XKR6: variants seen among roughly 807,000 people sequenced by gnomAD.
XKR6 encodes the protein XK related 6.
XKR6 carries 22 observed loss-of-function variants against 56.7 expected under a neutral mutation model. The ratio of observed to expected loss-of-function variants is 0.39; its 90% CI spans 0.28 to 0.55. XKR6 has a LOEUF of 0.55. XKR6 is among the 20% of genes least tolerant of loss of function. The pLI is 0.66. For missense variants in XKR6, 852 were observed against 889.0 expected, an observed-to-expected ratio of 0.96 and a Z score of 0.53; for synonymous variants, 524 against 387.8, an observed-to-expected ratio of 1.35 and a Z score of -4.13.
intron 1 of XKR6, among the ~76,000 whole-genome samples, chr8:10,958,969 A>G (rs1430050218): frequency 6.6e-6 from 1 of 152,238 alleles, no homozygotes; most frequent in Non-Finnish European, 1.5e-5. Flanking sequence ...TTCAACAGGA[A>G]GGCATCAAGC....
At chr8:10,924,504 C>T (rs969102993) in intron 2 of XKR6, 130 bp downstream of exon 2, 37 of 1,093,364 alleles carry the variant, frequency 3.4e-5, no homozygotes, top group South Asian at 3.0e-4. Context: ...GGGGGCCGGG[C>T]GTCCTGGGGA....
intron 1 of XKR6, among the ~76,000 whole-genome samples, chr8:10,934,515 G>A (rs1379741311): frequency 7.7e-6 from 1 of 129,452 alleles, no homozygotes; most frequent in East Asian, 1.9e-4. Context: ...TGCCCATTCA[G>A]TATGATATTG....
At chr8:11,060,451 C>A (rs1454068837) in intron 1 of XKR6, among the ~76,000 whole-genome samples, 1 of 152,202 alleles carries the variant, frequency 6.6e-6, no homozygotes, top group African/African-American at 2.4e-5. Flanking sequence ...CGCCACCCGC[C>A]GGGAACTAGG....
chr8:11,194,018 C>T (rs1390599630), intron 1 of XKR6, among the ~76,000 whole-genome samples: 1 of 152,158 alleles, frequency 6.6e-6, no homozygotes, highest in Non-Finnish European at 1.5e-5. Context: ...TGTCCCTATA[C>T]ATAGGTGACA....
At chr8:11,120,510 C>T (rs1799396871) in intron 1 of XKR6, among the ~76,000 whole-genome samples, 1 of 152,128 alleles carries the variant, frequency 6.6e-6, no homozygotes, top group African/African-American at 2.4e-5. Flanking sequence ...AGGAGAACTA[C>T]AAACCACTGC....
chr8:10,974,491 C>T (rs1048254126), intron 1 of XKR6, among the ~76,000 whole-genome samples: 10 of 152,178 alleles, frequency 6.6e-5, no homozygotes, highest in Non-Finnish European at 5.9e-5. Context: ...GCCTGGGCCA[C>T]GGACCCTGCC....
intron 1 of XKR6, among the ~76,000 whole-genome samples, chr8:10,951,937 C>A (rs1001078793): frequency 1.3e-5 from 2 of 152,148 alleles, no homozygotes; most frequent in African/African-American, 4.8e-5. Flanking sequence ...ACAGGAGAAC[C>A]AAGAGGCCAC....
At chr8:11,057,859 G>C (rs1799725334) in intron 1 of XKR6, among the ~76,000 whole-genome samples, 1 of 152,146 alleles carries the variant, frequency 6.6e-6, no homozygotes, top group Admixed American at 6.5e-5. Context: ...AGGACACAAT[G>C]CACAGACATG....
intron 1 of XKR6, among the ~76,000 whole-genome samples, chr8:11,023,253 C>G (rs56665484): frequency 0.044 from 6,762 of 152,248 alleles, 456 homozygotes; most frequent in African/African-American, 0.15. Flanking sequence ...AGAGCAGGCA[C>G]TAGAACCCTC....
chr8:10,959,012 G>C (rs1801979573), intron 1 of XKR6, among the ~76,000 whole-genome samples: 1 of 152,194 alleles, frequency 6.6e-6, no homozygotes, highest in Non-Finnish European at 1.5e-5. Context: ...CCACAGACCG[G>C]GGGAAACCCT....
intron 1 of XKR6, among the ~76,000 whole-genome samples, chr8:11,112,645 T>C (rs1432678086): frequency 1.3e-5 from 2 of 152,142 alleles, no homozygotes; most frequent in African/African-American, 2.4e-5. Context: ...TCAGGAGATA[T>C]GGTCAAACAA....
intron 1 of XKR6, among the ~76,000 whole-genome samples, chr8:11,097,693 G>A (rs1184610857): frequency 6.6e-6 from 1 of 150,904 alleles, no homozygotes; most frequent in South Asian, 2.1e-4. Context: ...TGTGGTCCCA[G>A]CTACTTGGGA....
chr8:11,118,767 AT>A (rs1203617234), intron 1 of XKR6, among the ~76,000 whole-genome samples: 1 of 152,102 alleles, frequency 6.6e-6, no homozygotes. Flanking sequence ...CAGCTCCTGG[AT>A]TCACTGATTT....
intron 1 of XKR6, among the ~76,000 whole-genome samples, chr8:10,968,863 C>G (rs1312425428): frequency 1.3e-5 from 2 of 152,258 alleles, no homozygotes; most frequent in African/African-American, 4.8e-5. Context: ...CACCTGCCCG[C>G]TCTGAACAGC....
intron 1 of XKR6, among the ~76,000 whole-genome samples, chr8:11,018,158 T>G (rs1753072055): frequency 7.0e-6 from 1 of 142,512 alleles, no homozygotes; most frequent in African/African-American, 2.6e-5. Flanking sequence ...CTGACCTGAA[T>G]CCCCCCCACC....
rs527546273 is a variant in XKR6 at position 10,896,308 on chromosome 8, A to C, written c.*1644T>G. The stretch of plus-strand genomic sequence containing the variant: ...AACTTGATACAATGAGAAAATAAAC[A>C]GTGGAATCAAATCCTCACCCAAATG... On this transcript the variant is annotated 3_prime_UTR_variant, in exon 3 of 3. Coordinates refer to ENST00000416569, the MANE Select transcript of XKR6 (RefSeq NM_173683.4). 1.5e-4 allele frequency: 23 copies of C among 152,732 alleles called. No individual in the cohort carries two copies. The highest frequency in any genetic ancestry group is 5.5e-4 in the African/African-American group (23 of 41,554). The allele number at this position is 152,732 out of a possible 1,614,324, so 9.5% of individuals were successfully genotyped here.
intron 1 of XKR6, among the ~76,000 whole-genome samples, chr8:11,025,061 A>T (rs538875262): frequency 6.6e-6 from 1 of 152,282 alleles, no homozygotes; most frequent in South Asian, 2.1e-4. Flanking sequence ...GGAACAAGGG[A>T]TCCCCCCATC....
intron 1 of XKR6, among the ~76,000 whole-genome samples, chr8:11,167,067 C>A (rs1038564785): frequency 1.3e-5 from 2 of 152,078 alleles, no homozygotes; most frequent in Non-Finnish European, 2.9e-5. Flanking sequence ...AAATGGACTA[C>A]TGCAAGAGAA....
chr8:11,165,038 C>A (rs1007805500), intron 1 of XKR6, among the ~76,000 whole-genome samples: 4 of 151,242 alleles, frequency 2.6e-5, no homozygotes, highest in African/African-American at 9.7e-5. Context: ...AAGAAAATCC[C>A]CTGAAGCAGC....
Sources: allele counts gnomAD v4.1 joint callset (sites outside exome capture counted in the v4.1 genomes callset), GRCh38; gene constraint gnomAD v4.1.1; transcripts MANE v1.5; gene names NCBI Gene and HGNC (gene_info 2026-07-23, HGNC 2026-07-21).